Variants in PTPRT observed in about 807,000 individuals in gnomAD.
The protein encoded by PTPRT is protein tyrosine phosphatase receptor type T, also known as receptor-type tyrosine-protein phosphatase T.
A neutral mutation model predicts 176.8 loss-of-function variants in PTPRT; 56 were observed. That is an observed-to-expected ratio of 0.32 (90% CI 0.26 to 0.40). The LOEUF (loss-of-function observed/expected upper bound fraction) is 0.40, where lower values mean the gene tolerates loss of function less well. PTPRT is among the 10% of genes least tolerant of loss of function. The pLI is 1.00. For missense variants in PTPRT, 1,540 were observed against 1,908.2 expected (o/e 0.81, Z 3.60); for synonymous variants, 783 against 739.0 (o/e 1.06, Z -0.96).
chr20:42,979,212 A>G (rs1983136246), intron 1 of PTPRT, among the ~76,000 whole-genome samples: 1 of 152,172 alleles, frequency 6.6e-6, no homozygotes, highest in South Asian at 2.1e-4. Context: ...CATGAGTTGT[A>G]AGAAAAACAA....
chr20:42,160,115 T>C (rs1989523531), intron 17 of PTPRT, among the ~76,000 whole-genome samples: 1 of 151,254 alleles, frequency 6.6e-6, no homozygotes, highest in Non-Finnish European at 1.5e-5. Flanking sequence ...CAAGCATAGC[T>C]GGGGCACACG....
chr20:42,303,957 G>A (rs2057507863), intron 12 of PTPRT, among the ~76,000 whole-genome samples: 1 of 152,164 alleles, frequency 6.6e-6, no homozygotes, highest in South Asian at 2.1e-4. Flanking sequence ...TCAGTGTCTT[G>A]TACATATGGT....
chr20:42,312,802 C>CTT (rs11482597), intron 12 of PTPRT, among the ~76,000 whole-genome samples: 2,282 of 112,266 alleles, frequency 0.02, 69 homozygotes, highest in African/African-American at 0.073. Context: ...GAGTGAGATC[C>CTT]TTTTTTTTTT....
chr20:42,760,956 G>A (rs2076906286), intron 5 of PTPRT, among the ~76,000 whole-genome samples: 1 of 152,146 alleles, frequency 6.6e-6, no homozygotes, highest in Admixed American at 6.5e-5. Flanking sequence ...GCTGGATTAA[G>A]ATTGTAAAAA....
At chr20:42,664,508 T>TTAA (rs2075279695) in intron 7 of PTPRT, among the ~76,000 whole-genome samples, 1 of 152,208 alleles carries the variant, frequency 6.6e-6, no homozygotes, top group Admixed American at 6.5e-5. Context: ...CCTTTTAAGT[T>TTAA]TTTAAACTAC....
intron 27 of PTPRT, among the ~76,000 whole-genome samples, chr20:42,094,240 C>T (rs1037338175): frequency 6.6e-6 from 1 of 152,204 alleles, no homozygotes; most frequent in Non-Finnish European, 1.5e-5. Flanking sequence ...TGCCCAGGCT[C>T]ATGAGCTGAG....
intron 11 of PTPRT, among the ~76,000 whole-genome samples, chr20:42,338,930 G>A (rs534564183): frequency 1.6e-4 from 25 of 152,226 alleles, no homozygotes; most frequent in East Asian, 1.9e-4. Context: ...ATTCAGATTT[G>A]CTGACTACAA....
At chr20:42,348,239 C>T (rs1327630600) in intron 11 of PTPRT, among the ~76,000 whole-genome samples, 2 of 152,142 alleles carry the variant, frequency 1.3e-5, no homozygotes, top group Non-Finnish European at 2.9e-5. Flanking sequence ...TAGTCAAATG[C>T]TCAAGAAACA....
chr20:42,851,419 T>C (rs923474484), intron 2 of PTPRT, among the ~76,000 whole-genome samples: 2 of 152,210 alleles, frequency 1.3e-5, no homozygotes, highest in Non-Finnish European at 2.9e-5. Flanking sequence ...ATCATCACTG[T>C]CTTGCATTTC....
intron 2 of PTPRT, among the ~76,000 whole-genome samples, chr20:42,841,963 T>C (rs1312857143): frequency 1.3e-5 from 2 of 152,180 alleles, no homozygotes; most frequent in Non-Finnish European, 2.9e-5. Flanking sequence ...TGCTCCCCAC[T>C]TCATCATCAG....
intron 1 of PTPRT, among the ~76,000 whole-genome samples, chr20:43,096,993 A>G (rs1377516685): frequency 1.3e-5 from 2 of 152,234 alleles, no homozygotes; most frequent in African/African-American, 2.4e-5. Flanking sequence ...AAAGCTTCTG[A>G]GCACCAGAAG....
intron 4 of PTPRT, among the ~76,000 whole-genome samples, chr20:42,772,206 C>G (rs1422265306): frequency 6.6e-6 from 1 of 152,170 alleles, no homozygotes. Context: ...TCATTCTTAG[C>G]GCTTGCCATT....
rs79393559 is a variant in PTPRT at position 42,576,209 on chromosome 20, T to C, written c.1153+101657A>G. Among the ~76,000 whole-genome samples, 623 of 152,222 alleles carry C rather than the reference T, an allele frequency of 4.1e-3. 1 individual carries two copies. The highest frequency in any genetic ancestry group is 6.1e-3 in the Non-Finnish European group (413 of 68,006). On this transcript the variant is annotated intron_variant, in intron 7 of 30. Coordinates refer to ENST00000373187, the MANE Select transcript of PTPRT (RefSeq NM_007050.6). ...GGCGCACTTTCTCTCCATTAACAAT[T>C]CCACCCTTCCCTCTCCTCATTTTGA...
intron 9 of PTPRT, among the ~76,000 whole-genome samples, chr20:42,381,793 A>G (rs2058700604): frequency 1.3e-5 from 2 of 152,298 alleles, no homozygotes; most frequent in South Asian, 4.1e-4. Flanking sequence ...ACATCTGGGA[A>G]ATAATGTTCA....
intron 7 of PTPRT, among the ~76,000 whole-genome samples, chr20:42,630,507 A>T (rs555732882): frequency 1.3e-5 from 2 of 152,250 alleles, no homozygotes; most frequent in African/African-American, 4.8e-5. Context: ...TGAACACATG[A>T]CTTCAGGTCC....
At chr20:42,310,930 A>C (rs536480628) in intron 12 of PTPRT, among the ~76,000 whole-genome samples, 3 of 152,218 alleles carry the variant, frequency 2.0e-5, no homozygotes, top group African/African-American at 7.2e-5. Context: ...CCTGAGCAAC[A>C]TATCTTATAG....
At chr20:42,270,348 G>T in intron 13 of PTPRT, 1 of 1,504,316 alleles carries the variant, frequency 6.6e-7, no homozygotes, top group Non-Finnish European at 9.0e-7. Flanking sequence ...AGGACCCACT[G>T]AGTGTGGGCA....
At chr20:42,229,038 G>A (rs1245412195) in intron 15 of PTPRT, among the ~76,000 whole-genome samples, 1 of 152,216 alleles carries the variant, frequency 6.6e-6, no homozygotes, top group Admixed American at 6.5e-5. Context: ...AAAGATACTG[G>A]AGTTTTCTGG....
chr20:43,153,722 T>C (rs992227999), intron 1 of PTPRT, among the ~76,000 whole-genome samples: 5 of 152,220 alleles, frequency 3.3e-5, no homozygotes, highest in Non-Finnish European at 7.3e-5. Flanking sequence ...ATTTGGGTAT[T>C]TGGTTCTGTT....
Sources: allele counts gnomAD v4.1 joint callset (sites outside exome capture counted in the v4.1 genomes callset), GRCh38; gene constraint gnomAD v4.1.1; transcripts MANE v1.5; gene names NCBI Gene and HGNC (gene_info 2026-07-23, HGNC 2026-07-21).